Variants in ABTB3 observed in about 807,000 individuals in gnomAD.
ABTB3 encodes the protein ankyrin repeat and BTB domain containing 3.
the ABTB3 span, among the ~76,000 whole-genome samples, chr12:107,482,803 CT>C: frequency 3.7e-4 from 55 of 150,640 alleles, no homozygotes; most frequent in Non-Finnish European, 4.7e-4. Flanking sequence ...CCTTCTCTCT[CT>C]TTTTTTTTCT....
chr12:107,421,496 C>T, the ABTB3 span, among the ~76,000 whole-genome samples: 1 of 151,984 alleles, frequency 6.6e-6, no homozygotes, highest in African/African-American at 2.4e-5. Flanking sequence ...GAATTTAAGG[C>T]AAAGAGAAAA....
the ABTB3 span, among the ~76,000 whole-genome samples, chr12:107,330,778 C>T: frequency 6.6e-6 from 1 of 152,204 alleles, no homozygotes; most frequent in East Asian, 1.9e-4. Flanking sequence ...ATTTACGATC[C>T]TGCTGTAATA....
the ABTB3 span, among the ~76,000 whole-genome samples, chr12:107,655,056 A>G: frequency 9.2e-5 from 14 of 152,142 alleles, no homozygotes; most frequent in African/African-American, 2.7e-4. Flanking sequence ...CATGAACTTG[A>G]CATCCACAGT....
chr12:107,336,287 A>T, the ABTB3 span, among the ~76,000 whole-genome samples: 1 of 152,230 alleles, frequency 6.6e-6, no homozygotes, highest in Non-Finnish European at 1.5e-5. Context: ...TGAGCAAATG[A>T]TGACTTTGGG....
the ABTB3 span, among the ~76,000 whole-genome samples, chr12:107,508,454 T>TTTTTTTTTTG: frequency 1.2e-5 from 1 of 83,570 alleles, no homozygotes; most frequent in East Asian, 2.7e-4. Flanking sequence ...TTTTTTTTTT[T>TTTTTTTTTTG]TTTTTTTTTT....
chr12:107,548,583 G>T, the ABTB3 span, among the ~76,000 whole-genome samples: 1 of 152,212 alleles, frequency 6.6e-6, no homozygotes, highest in East Asian at 1.9e-4. Flanking sequence ...TGTAGTCTAA[G>T]TTTTTCCAGA....
the ABTB3 span, among the ~76,000 whole-genome samples, chr12:107,462,932 G>A: frequency 6.6e-6 from 1 of 151,144 alleles, no homozygotes; most frequent in African/African-American, 2.5e-5. Context: ...GATGATGACT[G>A]TGGTGATGAC....
chr12:107,580,459 A>G, the ABTB3 span, among the ~76,000 whole-genome samples: 2 of 152,296 alleles, frequency 1.3e-5, no homozygotes, highest in East Asian at 3.9e-4. Context: ...CAGGCAGGGA[A>G]CTTGAGGCTC....
At chr12:107,600,970 G>GT in the ABTB3 span, among the ~76,000 whole-genome samples, 1 of 152,232 alleles carries the variant, frequency 6.6e-6, no homozygotes, top group Non-Finnish European at 1.5e-5. Flanking sequence ...AAGGATGGTG[G>GT]TGGGGGGGTG....
chr12:107,390,444 G>A, the ABTB3 span, among the ~76,000 whole-genome samples: 13,606 of 152,198 alleles, frequency 0.089, 789 homozygotes, highest in Middle Eastern at 0.16. Flanking sequence ...TCCTCTCTTC[G>A]GGGAAGGTGG....
the ABTB3 span, chr12:107,620,037 A>G: frequency 6.2e-7 from 1 of 1,614,058 alleles, no homozygotes; most frequent in Non-Finnish European, 8.5e-7. Context: ...ATCGCCTTCC[A>G]GCAGCACCGC....
At chr12:107,319,716 G>A in the ABTB3 span, 1 of 1,532,312 alleles carries the variant, frequency 6.5e-7, no homozygotes, top group South Asian at 1.2e-5. Context: ...GGGGTGCCCC[G>A]GAGCTGCAGT....
At chr12:107,487,381 G>C in the ABTB3 span, among the ~76,000 whole-genome samples, 5 of 152,150 alleles carry the variant, frequency 3.3e-5, no homozygotes, top group African/African-American at 4.8e-5. Flanking sequence ...TGGAGGTCTA[G>C]TTCCTTTCTA....
the ABTB3 span, among the ~76,000 whole-genome samples, chr12:107,401,052 C>A: frequency 6.6e-6 from 1 of 152,192 alleles, no homozygotes; most frequent in Non-Finnish European, 1.5e-5. Flanking sequence ...CACGTAGTAC[C>A]AAGACTTGTC....
chr12:107,351,016 T>C, the ABTB3 span, among the ~76,000 whole-genome samples: 74 of 152,222 alleles, frequency 4.9e-4, 2 homozygotes, highest in South Asian at 0.014. Flanking sequence ...CTAAGGTCTT[T>C]GCTAGTAAGA....
At chr12:107,471,113 G>A in the ABTB3 span, among the ~76,000 whole-genome samples, 1 of 152,210 alleles carries the variant, frequency 6.6e-6, no homozygotes, top group Non-Finnish European at 1.5e-5. Context: ...AGCGTTTTCC[G>A]CATACACTTT....
chr12:107,500,959 C>T, the ABTB3 span, among the ~76,000 whole-genome samples: 2 of 152,304 alleles, frequency 1.3e-5, no homozygotes, highest in South Asian at 2.1e-4. Context: ...TTCTCTGCAG[C>T]GCAAATTCTG....
At chr12:107,462,024 A>C in the ABTB3 span, among the ~76,000 whole-genome samples, 1 of 152,172 alleles carries the variant, frequency 6.6e-6, no homozygotes, top group Admixed American at 6.5e-5. Flanking sequence ...GAAACGTCTG[A>C]GCCCTTCCTG....
chr12:107,554,328 A>G, the ABTB3 span, among the ~76,000 whole-genome samples: 327 of 151,334 alleles, frequency 2.2e-3, 1 homozygote, highest in Non-Finnish European at 3.6e-3. Flanking sequence ...GTATACATCA[A>G]TTAGGAAGAA....
Sources: allele counts gnomAD v4.1 joint callset (sites outside exome capture counted in the v4.1 genomes callset), GRCh38; gene constraint gnomAD v4.1.1; transcripts MANE v1.5; gene names NCBI Gene and HGNC (gene_info 2026-07-23, HGNC 2026-07-21).